The following BOD1L1 variants were observed in gnomAD, a reference collection of about 807,000 sequenced individuals.
The protein encoded by BOD1L1 is biorientation of chromosomes in cell division 1 like 1, also known as biorientation of chromosomes in cell division protein 1-like 1.
Under a neutral mutation model 240.7 loss-of-function variants are expected in BOD1L1, and 86 were observed. The observed-to-expected ratio is 0.36, with a 90% CI of 0.30 to 0.43. The LOEUF (loss-of-function observed/expected upper bound fraction) is 0.43, where lower values mean the gene tolerates loss of function less well. BOD1L1 is among the 20% of genes least tolerant of loss of function. The pLI is 1.00. For synonymous variants in BOD1L1, 1,268 were observed against 1,272.3 expected (o/e 1.00, Z 0.07); for missense variants, 3,554 against 3,643.5 (o/e 0.98, Z 0.63).
intron 2 of BOD1L1, among the ~76,000 whole-genome samples, chr4:13,619,181 G>A (rs1716844460): frequency 6.6e-6 from 1 of 151,874 alleles, no homozygotes. Flanking sequence ...ACGATAAGCT[G>A]GGCATGGTGG....
chr4:13,621,678 AATTAAAATAT>A (rs1396741567), intron 1 of BOD1L1, among the ~76,000 whole-genome samples: 1 of 152,128 alleles, frequency 6.6e-6, no homozygotes, highest in Non-Finnish European at 1.5e-5. Context: ...GCAAATGAGC[AATTAAAATAT>A]ACTTGTTAGC....
intron 19 of BOD1L1, among the ~76,000 whole-genome samples, chr4:13,581,854 T>C (rs1713259618): frequency 6.6e-6 from 1 of 152,180 alleles, no homozygotes; most frequent in South Asian, 2.1e-4. Context: ...CTGCACACCC[T>C]GCTGCTGTTC....
intron 9 of BOD1L1, among the ~76,000 whole-genome samples, chr4:13,606,538 C>G (rs1560208488): frequency 6.6e-6 from 1 of 152,066 alleles, no homozygotes; most frequent in Non-Finnish European, 1.5e-5. Context: ...GGGAAGAAAA[C>G]ATTGTACGTT....
At chr4:13,594,129 T>C (rs758552362) in intron 12 of BOD1L1, among the ~76,000 whole-genome samples, 59 of 152,380 alleles carry the variant, frequency 3.9e-4, no homozygotes, top group Non-Finnish European at 6.9e-4. Context: ...TCTTGGATTA[T>C]GCTTTACCTG....
chr4:13,599,653 G>C lies in BOD1L1; in HGVS notation c.7247C>G (p.Pro2416Arg). ...EGHNGPSVHK[P>R]SAGQGHPSAV... ...ACTTGGATGGCCTTGCCCTGCAGAG[G>C]GCTTGTGGACTGATGGCCCGTTGTG... Residue 2416 changes from proline (P) to arginine (R), a missense_variant, in exon 10 of 26, where the codon CCC becomes CGC. By Grantham distance (103) the Pro-to-Arg change is moderately radical. Around this residue, in one of 2 missense-constraint regions of BOD1L1, gnomAD observed 3,393 missense variants for 3,427.1 expected, o/e 0.99. Transcript: ENST00000040738. The C allele has an allele frequency of 6.2e-7, 1 of 1,613,950 alleles. No homozygotes were observed. Among genetic ancestry groups the C allele is most frequent in the South Asian group, 1.1e-5 (1 of 91,078 alleles).
Position 13,601,825 on chromosome 4 carries a change from C to T in BOD1L1, c.5075G>A (p.Ser1692Asn). ...TCCTGCTCTTATCTCTGTTCCAGCACTTGTAACTGCTCCATCACTTTCAAC... is the reference window on the plus strand; with the variant it reads ...TCCTGCTCTTATCTCTGTTCCAGCATTTGTAACTGCTCCATCACTTTCAAC... Reference protein sequence around the residue: ...SEVESDGAVTSAGTEIRAGSI... With the variant: ...SEVESDGAVTNAGTEIRAGSI... Residue 1692 changes from serine (S) to asparagine (N), a missense_variant, in exon 10 of 26, where the codon AGT (serine) becomes AAT (asparagine). Transcript: ENST00000040738. The T allele has an allele frequency of 6.2e-7, 1 of 1,614,014 alleles. No homozygotes were observed. The highest frequency in any genetic ancestry group is 8.5e-7 in the Non-Finnish European group (1 of 1,179,900).
Position 13,620,036 on chromosome 4 carries a change from T to C in BOD1L1, c.275A>G (p.Asp92Gly). Residue 92 changes from aspartate (D) to glycine (G), a missense_variant, in exon 2 of 26, where the codon GAC becomes GGC. By Grantham distance (94) the Asp-to-Gly change is moderately conservative. Around this residue, in one of 2 missense-constraint regions of BOD1L1, gnomAD observed 161 missense variants for 216.4 expected, o/e 0.74. Coordinates refer to ENST00000040738, the MANE Select transcript of BOD1L1 (RefSeq NM_148894.3). ...PAYQNLRQRV[D>G]NFVANHLATH... Reference sequence around the variant, plus strand: ...TGCCAAGTGATTTGCAACAAAGTTGTCAACACGCTGTCTCAGATTCTGATA... The same window carrying C: ...TGCCAAGTGATTTGCAACAAAGTTGCCAACACGCTGTCTCAGATTCTGATA... 1 of 1,608,130 alleles carries C rather than the reference T, an allele frequency of 6.2e-7. No homozygotes were observed. The highest frequency in any genetic ancestry group is 8.5e-7 in the Non-Finnish European group (1 of 1,176,840).
chr4:13,603,989 C>G lies in BOD1L1; in HGVS notation c.2911G>C (p.Glu971Gln), dbSNP rs200916897. The G allele has an allele frequency of 5.7e-5, 92 of 1,613,896 alleles. 2 individuals are homozygous for G. The highest frequency in any genetic ancestry group is 7.4e-5 in the Non-Finnish European group (87 of 1,179,870). ...GAAGAAGCAGTCTCTAATACAGGTT[C>G]AACACCAGTTTCTTCAAAAGGTTTG... Reference protein sequence around the residue: ...EDKPFEETGVEPVLETASSSA... With the variant: ...EDKPFEETGVQPVLETASSSA... The change falls in exon 10 of 26, where the codon GAA becomes CAA. Residue 971 changes from glutamate to glutamine, a missense_variant. Physicochemically the swap from Glu to Gln is conservative, Grantham distance 29. This residue lies in a region of BOD1L1 where 3,393 missense variants were observed against 3,427.1 expected (regional missense o/e 0.99). Transcript: ENST00000040738.
rs756782533 is a variant in BOD1L1, at chr4:13,586,478, G to A, written c.8354-3C>T. 9.4e-6 allele frequency: 15 copies of A among 1,596,494 alleles called. No individual in the cohort carries two copies. The African/African-American group carries it at 2.0e-4, about 21-fold the overall frequency. On this transcript the variant is annotated splice_polypyrimidine_tract_variant and splice_region_variant and intron_variant, in intron 16 of 25. Transcript: ENST00000040738. The stretch of plus-strand genomic sequence containing the variant: ...ATCCAGGACATCTGGATTATCATCT[G>A]TAAATCAGTTTAGACAGAATCACAA...
rs959901726 is a variant in BOD1L1, at chr4:13,600,400, C to T, written c.6500G>A (p.Ser2167Asn). The T allele has an allele frequency of 6.2e-7, 1 of 1,613,868 alleles. No homozygotes were observed. The highest frequency in any genetic ancestry group is 1.3e-5 in the African/African-American group (1 of 74,912). Residue 2167 changes from serine (S) to asparagine (N), a missense_variant, in exon 10 of 26, where the codon AGT (serine) becomes AAT (asparagine). Around this residue, in one of 2 missense-constraint regions of BOD1L1, gnomAD observed 3,393 missense variants for 3,427.1 expected, o/e 0.99. Transcript: ENST00000040738. ...CACTGCTGCAGCAACCGGCTGAAGA[C>T]TTTCAGCACACTTGATGGTTGTTGC... ...SSATTIKCAE[S>N]LQPVAAAVEE...
In BOD1L1 at chr4:13,569,968, T is replaced by G; in HGVS notation, c.*43A>C. The G allele has an allele frequency of 7.1e-7, 1 of 1,403,948 alleles. No individual in the cohort carries two copies. Among genetic ancestry groups the G allele is most frequent in the Non-Finnish European group, 9.5e-7 (1 of 1,053,410 alleles). 87.0% of individuals were successfully genotyped at this position (1,403,948 alleles called of 1,614,324 possible). ...GCCACCAAGGCATGTCTCTTTCCTC[T>G]CCACCGTGTTCCTCCATAAGCCTAG... is the stretch of plus-strand genomic sequence containing the variant. On this transcript the variant is annotated 3_prime_UTR_variant, in exon 26 of 26. Transcript: ENST00000040738.
intron 17 of BOD1L1, 85 bp from the exon 18 acceptor site, chr4:13,582,821 A>T: frequency 1.1e-6 from 1 of 911,674 alleles, no homozygotes; most frequent in East Asian, 2.6e-5. Flanking sequence ...TTGCCTTTCT[A>T]TTTCAAAAAA....
At position 13,601,999 on chromosome 4, in the gene BOD1L1, T is replaced by C. The variant is rs776829101; in HGVS notation, c.4901A>G (p.His1634Arg). ...EDRAADLLAV[H>R]AVKIEANVNS... ...TACATTGGCTTCGATTTTAACTGCA[T>C]GCACAGCCAGTAGGTCTGCTGCTCT... is the stretch of plus-strand genomic sequence containing the variant. The change falls in exon 10 of 26, where the codon CAT becomes CGT. Residue 1634 changes from histidine (H) to arginine (R), a missense_variant. By Grantham distance (29) the His-to-Arg change is conservative. Around this residue, in one of 2 missense-constraint regions of BOD1L1, gnomAD observed 3,393 missense variants for 3,427.1 expected, o/e 0.99. Coordinates refer to ENST00000040738, the MANE Select transcript of BOD1L1 (RefSeq NM_148894.3). 2.5e-6 allele frequency: 4 copies of C among 1,614,056 alleles called. No homozygotes were observed. The highest frequency in any genetic ancestry group is 1.1e-5 in the South Asian group (1 of 91,092).
intron 4 of BOD1L1, 44 bp downstream of exon 4, chr4:13,614,151 AC>A (rs2108983001): frequency 7.0e-7 from 1 of 1,426,134 alleles, no homozygotes; most frequent in East Asian, 2.5e-5. Flanking sequence ...ATCCCAAAAC[AC>A]TCTGTTCTTT....
chr4:13,604,781 C>T lies in BOD1L1; in HGVS notation c.2119G>A (p.Asp707Asn). 1 of 1,613,372 alleles carries T rather than the reference C, an allele frequency of 6.2e-7. No individual in the cohort carries two copies. The highest frequency in any genetic ancestry group is 8.5e-7 in the Non-Finnish European group (1 of 1,179,692). Reference protein sequence around the residue: ...LKNEKHLKKDDSETPHLKSLL... With the variant: ...LKNEKHLKKDNSETPHLKSLL... ...CTTTTCAAATGTGGTGTTTCAGAAT[C>T]ATCTTTCTTTAGATGCTTTTCGTTT... The change falls in exon 10 of 26, where the codon GAT becomes AAT. Residue 707 changes from aspartate (D) to asparagine (N), a missense_variant. Physicochemically the swap from Asp to Asn is conservative, Grantham distance 23. Coordinates refer to ENST00000040738, the MANE Select transcript of BOD1L1 (RefSeq NM_148894.3).
chr4:13,608,836 T>C (rs965216700), intron 7 of BOD1L1, among the ~76,000 whole-genome samples, 168 bp from the exon 8 acceptor site: 50 of 152,232 alleles, frequency 3.3e-4, no homozygotes, highest in African/African-American at 9.9e-4. Flanking sequence ...GTCTTATCTC[T>C]CTTATTTCAA....
chr4:13,600,538 C>T lies in BOD1L1; in HGVS notation c.6362G>A (p.Ser2121Asn). 1 of 1,614,010 alleles carries T rather than the reference C, an allele frequency of 6.2e-7. No individual in the cohort carries two copies. Among genetic ancestry groups the T allele is most frequent in the Non-Finnish European group, 8.5e-7 (1 of 1,179,902 alleles). The change falls in exon 10 of 26, where the codon AGT (serine) becomes AAT (asparagine). Residue 2121 changes from serine (S) to asparagine (N), a missense_variant. Physicochemically the swap from Ser to Asn is conservative, Grantham distance 46. Around this residue, in one of 2 missense-constraint regions of BOD1L1, gnomAD observed 3,393 missense variants for 3,427.1 expected, o/e 0.99. Transcript: ENST00000040738. ...TTGGCTGTCATCTCCTGAGACTGCA[C>T]TGGGCATGGGGGCCTCAAATTCTTC... ...TTEEFEAPMPSAVSGDDSQLT... is the reference protein window; with the variant it reads ...TTEEFEAPMPNAVSGDDSQLT...
In BOD1L1 at chr4:13,601,677, G is replaced by A. The variant is rs762417765; in HGVS notation, c.5223C>T (p.Ile1741=). ...GAEGRSDNFV[I]CSVTGAGPRE... ...GGGGCCCTGCTCCAGTTACTGAGCA[G>A]ATCACAAAGTTATCACTTCTGCCTT... The change falls in exon 10 of 26, where the codon ATC becomes ATT. Residue 1741 remains isoleucine, a synonymous_variant. Coordinates refer to ENST00000040738, the MANE Select transcript of BOD1L1 (RefSeq NM_148894.3). The A allele has an allele frequency of 5.0e-6, 8 of 1,613,976 alleles. No homozygotes were observed. In the East Asian group the frequency reaches 1.6e-4, roughly 31 times the overall value.
rs554504093 is a variant in BOD1L1 at position 13,570,205 on chromosome 4, C to T, written c.9039-77G>A. 9.2e-6 allele frequency: 10 copies of T among 1,088,162 alleles called. No homozygotes were observed. The South Asian group carries it at 1.3e-4, about 15-fold the overall frequency. 67.4% of individuals were successfully genotyped at this position (1,088,162 alleles called of 1,614,324 possible). The stretch of plus-strand genomic sequence containing the variant: ...AATAACTTGGGAGTTCCTTAAAAAA[C>T]AGAAGAGTTTTGAACTTGACAGCTA... On this transcript the variant is annotated intron_variant, in intron 25 of 25. Coordinates refer to ENST00000040738, the MANE Select transcript of BOD1L1 (RefSeq NM_148894.3).
Sources: gnomAD v4.1 joint callset for allele counts (sites outside exome capture counted in the v4.1 genomes callset) on GRCh38, gnomAD v4.1.1 for gene constraint, gnomAD v4.1.1 regional missense constraint, MANE v1.5 for transcripts, NCBI Gene and HGNC (gene_info 2026-07-23, HGNC 2026-07-21) for gene names.